The following GRAMD1B variants were observed in gnomAD, a reference collection of about 807,000 sequenced individuals.
GRAMD1B encodes protein Aster-B.
A neutral mutation model predicts 99.7 loss-of-function variants in GRAMD1B; 37 were observed. The ratio of observed to expected loss-of-function variants is 0.37; its 90% CI spans 0.29 to 0.49. GRAMD1B has a LOEUF of 0.49. Among genes scored for constraint, GRAMD1B ranks in the 20% least tolerant of loss-of-function variants. The pLI is 0.98. For missense variants in GRAMD1B, 888 were observed against 1,009.2 expected, an observed-to-expected ratio of 0.88 and a Z score of 1.63; for synonymous variants, 427 against 387.6, an observed-to-expected ratio of 1.10 and a Z score of -1.19.
rs1476928607 is a variant in GRAMD1B, at chr11:123,577,427, T to C, written c.513T>C (p.Ser171=). The C allele has an allele frequency of 6.2e-7, 1 of 1,601,262 alleles. No individual in the cohort carries two copies. Among genetic ancestry groups the C allele is most frequent in the East Asian group, 2.3e-5 (1 of 44,142 alleles). Residue 171 remains serine (S), a synonymous_variant, in exon 3 of 20, where the codon TCT becomes TCC. Coordinates refer to ENST00000635736, the MANE Select transcript of GRAMD1B (RefSeq NM_001387025.1). The part of the protein sequence containing the change: ...PACSPILRKR[S]RSPTPQNQDG... The stretch of plus-strand genomic sequence containing the variant: ...GCTCGCCCATCCTCCGGAAGCGGTC[T>C]CGCTCGCCAACCCCGCAGAACCAGG...
In GRAMD1B at chr11:123,603,559, C is replaced by CGGCTG; in HGVS notation, c.1166+19_1166+23dup. On this transcript the variant is annotated intron_variant, in intron 9 of 19. Coordinates refer to ENST00000635736, the MANE Select transcript of GRAMD1B (RefSeq NM_001387025.1). Reference sequence around the variant, plus strand: ...ACAATGGGGTGAGTGAGGCCAAGGGCGGCTGCCCAGAGGCAGCCGTGCGAG... The same window carrying CGGCTG: ...ACAATGGGGTGAGTGAGGCCAAGGGCGGCTGGGCTGCCCAGAGGCAGCCGTGCGAG... 1 of 1,511,122 alleles carries CGGCTG rather than the reference C, an allele frequency of 6.6e-7. No individual in the cohort carries two copies. The highest frequency in any genetic ancestry group is 9.2e-7 in the Non-Finnish European group (1 of 1,086,128). 93.6% of individuals were successfully genotyped at this position (1,511,122 alleles called of 1,614,324 possible). A position where few individuals can be genotyped will look rare whatever the true frequency, so the allele number is the denominator to read the frequency against.
chr11:123,473,555 G>C (rs1310929395), intron 1 of GRAMD1B, among the ~76,000 whole-genome samples: 2 of 152,136 alleles, frequency 1.3e-5, no homozygotes, highest in African/African-American at 4.8e-5. Flanking sequence ...TTACAGGTGT[G>C]ACCCACCTCA....
intron 1 of GRAMD1B, among the ~76,000 whole-genome samples, chr11:123,375,849 T>C (rs1173242695): frequency 6.6e-6 from 1 of 152,192 alleles, no homozygotes; most frequent in African/African-American, 2.4e-5. Context: ...GAAGTTTTCG[T>C]GTACTCATCT....
At chr11:123,401,297 T>C (rs1947652241) in intron 1 of GRAMD1B, among the ~76,000 whole-genome samples, 1 of 152,190 alleles carries the variant, frequency 6.6e-6, no homozygotes, top group Admixed American at 6.5e-5. Flanking sequence ...CGGAGGGTAT[T>C]TGGCTATTCT....
intron 2 of GRAMD1B, among the ~76,000 whole-genome samples, chr11:123,520,874 G>T (rs1170954561): frequency 1.1e-4 from 17 of 151,728 alleles, no homozygotes; most frequent in African/African-American, 3.6e-4. Context: ...AATGACAATT[G>T]CAGGAGTACC....
chr11:123,426,242 T>C (rs1948645778), upstream of GRAMD1B, among the ~76,000 whole-genome samples: 1 of 152,190 alleles, frequency 6.6e-6, no homozygotes, highest in African/African-American at 2.4e-5. Context: ...TGCCACTGCC[T>C]CTAAGTAGGC....
intron 1 of GRAMD1B, among the ~76,000 whole-genome samples, chr11:123,375,240 CT>C (rs1467478784): frequency 6.6e-6 from 1 of 152,114 alleles, no homozygotes; most frequent in Non-Finnish European, 1.5e-5. Context: ...AGAGCCCGAG[CT>C]TTTAACACAA....
intron 1 of GRAMD1B, among the ~76,000 whole-genome samples, chr11:123,476,486 G>C (rs910126662): frequency 6.6e-6 from 1 of 152,104 alleles, no homozygotes; most frequent in Non-Finnish European, 1.5e-5. Flanking sequence ...TACTGGAGGA[G>C]GAAAGATCCT....
At chr11:123,457,739 T>G (rs1950223692) in intron 1 of GRAMD1B, among the ~76,000 whole-genome samples, 1 of 152,166 alleles carries the variant, frequency 6.6e-6, no homozygotes, top group Non-Finnish European at 1.5e-5. Context: ...TTTTTTGAGA[T>G]GGGGTCTCAC....
At position 123,388,280 on chromosome 11, in the gene GRAMD1B, C is replaced by T. The variant is rs567808194; in HGVS notation, c.-176+29481C>T. 1.2e-4 allele frequency among the ~76,000 whole-genome samples: 19 copies of T among 152,168 alleles called. No homozygotes were observed. The South Asian group carries it at 2.5e-3, about 20-fold the overall frequency. The stretch of plus-strand genomic sequence containing the variant: ...ATGAACCCCAAAATTCATATTGAAA[C>T]CTAATCCCTTATGTGGTAGTATTAA... On this transcript the variant is annotated intron_variant, in intron 1 of 20. Transcript: ENST00000638157.
intron 1 of GRAMD1B, among the ~76,000 whole-genome samples, chr11:123,393,231 TGGGA>T (rs1465533695): frequency 6.6e-6 from 1 of 152,228 alleles, no homozygotes; most frequent in Non-Finnish European, 1.5e-5. Flanking sequence ...GGGAAAGTGC[TGGGA>T]GGGAGAACCA....
In GRAMD1B at chr11:123,594,596, T is replaced by G. The variant is rs117867776; in HGVS notation, c.770-139T>G. 4.3e-3 allele frequency: 2,730 copies of G among 628,508 alleles called. 30 individuals carry two copies. The highest frequency in any genetic ancestry group is 0.016 in the Admixed American group (594 of 37,832). The allele number at this position is 628,508 out of a possible 1,614,324, so 38.9% of individuals were successfully genotyped here. A position where few individuals can be genotyped will look rare whatever the true frequency, so the allele number is the denominator to read the frequency against. On this transcript the variant is annotated intron_variant, in intron 5 of 19. Coordinates refer to ENST00000635736, the MANE Select transcript of GRAMD1B (RefSeq NM_001387025.1). The stretch of plus-strand genomic sequence containing the variant: ...GGTAGGGACTTCCTTGGCTGCTAGT[T>G]CAAGTGTCTGGCACCCCTTGTCCGT...
chr11:123,450,517 T>G (rs1949842080), intron 1 of GRAMD1B, among the ~76,000 whole-genome samples: 1 of 152,232 alleles, frequency 6.6e-6, no homozygotes, highest in East Asian at 1.9e-4. Context: ...CAGCAAATTA[T>G]CAGTGCAATA....
At chr11:123,541,770 A>G (rs1336516808) in intron 2 of GRAMD1B, among the ~76,000 whole-genome samples, 2 of 152,210 alleles carry the variant, frequency 1.3e-5, no homozygotes, top group African/African-American at 4.8e-5. Context: ...TACATCTGGA[A>G]TTATTCACAG....
At chr11:123,520,797 A>G (rs531430946) in intron 2 of GRAMD1B, among the ~76,000 whole-genome samples, 1 of 150,332 alleles carries the variant, frequency 6.7e-6, no homozygotes, top group South Asian at 2.1e-4. Flanking sequence ...AAAAAAAGAA[A>G]GAAAGAAAAA....
At chr11:123,422,766 T>C (rs993166529) in intron 1 of GRAMD1B, among the ~76,000 whole-genome samples, 2 of 152,184 alleles carry the variant, frequency 1.3e-5, no homozygotes, top group African/African-American at 2.4e-5. Flanking sequence ...ATGACCCCCT[T>C]GTTCAACATG....
At chr11:123,547,854 C>A (rs1945167651) in intron 2 of GRAMD1B, among the ~76,000 whole-genome samples, 1 of 152,188 alleles carries the variant, frequency 6.6e-6, no homozygotes, top group African/African-American at 2.4e-5. Context: ...ACAAGGCCCA[C>A]ATGTGTTAAT....
At chr11:123,366,217 T>C (rs927420590) in intron 1 of GRAMD1B, among the ~76,000 whole-genome samples, 9 of 152,240 alleles carry the variant, frequency 5.9e-5, no homozygotes, top group African/African-American at 1.7e-4. Flanking sequence ...AAGGCTGTGC[T>C]GATGGCTTTA....
At chr11:123,456,153 C>T (rs56027383) in intron 1 of GRAMD1B, among the ~76,000 whole-genome samples, 18,273 of 151,938 alleles carry the variant, frequency 0.12, 1,252 homozygotes, top group Non-Finnish European at 0.15. Flanking sequence ...CCAGCCTGGG[C>T]GACAGAGAGA....
Sources: gnomAD v4.1 joint callset for allele counts (sites outside exome capture counted in the v4.1 genomes callset) on GRCh38, gnomAD v4.1.1 for gene constraint, MANE v1.5 for transcripts, NCBI Gene and HGNC (gene_info 2026-07-23, HGNC 2026-07-21) for gene names.